Variants in NLGN1 observed in about 807,000 individuals in gnomAD.
NLGN1 encodes neuroligin-1.
In NLGN1, 12 loss-of-function variants were observed where a neutral mutation model predicts 65.5. The observed-to-expected ratio is 0.18, with a 90% CI of 0.12 to 0.30. The LOEUF (loss-of-function observed/expected upper bound fraction) is 0.30, where lower values mean the gene tolerates loss of function less well. Ranked by LOEUF, NLGN1 falls within the 10% of genes least tolerant of loss-of-function variation. The probability of loss-of-function intolerance (pLI) is 1.00; values close to 1 mark genes in which losing one functional copy is unlikely to be tolerated. For missense variants in NLGN1, 750 were observed against 1,007.1 expected (o/e 0.74, Z 3.46); for synonymous variants, 350 against 359.5 (o/e 0.97, Z 0.30).
At chr3:173,773,671 A>G (rs565967225) in intron 3 of NLGN1, among the ~76,000 whole-genome samples, 24 of 152,280 alleles carry the variant, frequency 1.6e-4, no homozygotes, top group African/African-American at 5.3e-4. Flanking sequence ...TCAATGCTGG[A>G]GATATAATGG....
intron 3 of NLGN1, among the ~76,000 whole-genome samples, chr3:173,646,233 C>T: frequency 6.6e-6 from 1 of 152,118 alleles, no homozygotes; most frequent in East Asian, 1.9e-4. Flanking sequence ...TCTCTATACC[C>T]AACAAAATAT....
intron 3 of NLGN1, among the ~76,000 whole-genome samples, chr3:173,648,077 G>T (rs1251233556): frequency 1.3e-5 from 2 of 151,546 alleles, no homozygotes; most frequent in Non-Finnish European, 2.9e-5. Flanking sequence ...GAAGTGCAAA[G>T]AACCTAGAAT....
intron 4 of NLGN1, among the ~76,000 whole-genome samples, chr3:173,845,805 G>A (rs1725667094): frequency 6.6e-6 from 1 of 152,088 alleles, no homozygotes; most frequent in South Asian, 2.1e-4. Flanking sequence ...CCTTTATCTT[G>A]ACTCTTAGAT....
At chr3:173,931,907 G>A (rs561181578) in intron 4 of NLGN1, among the ~76,000 whole-genome samples, 1 of 152,186 alleles carries the variant, frequency 6.6e-6, no homozygotes, top group South Asian at 2.1e-4. Context: ...ATCTTGGAAG[G>A]TACAGCCAAA....
At chr3:173,431,706 A>C (rs1320787254) in intron 1 of NLGN1, among the ~76,000 whole-genome samples, 2 of 152,178 alleles carry the variant, frequency 1.3e-5, no homozygotes, top group African/African-American at 4.8e-5. Context: ...ATGAAGAGTG[A>C]ATCCACATTG....
intron 2 of NLGN1, among the ~76,000 whole-genome samples, chr3:173,453,016 G>A (rs1315436256): frequency 1.3e-5 from 2 of 152,050 alleles, no homozygotes; most frequent in African/African-American, 4.8e-5. Flanking sequence ...CTGGTGGAAG[G>A]TTGTGTCTTA....
At chr3:174,029,012 G>GGTGACTT (rs1729391286) in intron 4 of NLGN1, among the ~76,000 whole-genome samples, 1 of 152,150 alleles carries the variant, frequency 6.6e-6, no homozygotes, top group Non-Finnish European at 1.5e-5. Flanking sequence ...GCAGAAGTCT[G>GGTGACTT]CTACAGGGGT....
At position 174,098,990 on chromosome 3, in the gene NLGN1, A is replaced by G. The variant is rs79353805; in HGVS notation, c.647-176325A>G. 1.5e-3 allele frequency among the ~76,000 whole-genome samples: 228 copies of G among 152,322 alleles called. 1 individual carries two copies. The highest frequency in any genetic ancestry group is 4.7e-3 in the African/African-American group (196 of 41,582). On this transcript the variant is annotated intron_variant, in intron 4 of 6. Transcript: ENST00000457714. ...TCATTAAACCAATGAAAATGCCACA[A>G]AATTAAGATATCAACTAAGTTGGGC...
intron 4 of NLGN1, among the ~76,000 whole-genome samples, chr3:173,866,072 T>A (rs748564556): frequency 5.5e-4 from 84 of 152,284 alleles, no homozygotes; most frequent in Non-Finnish European, 9.1e-4. Flanking sequence ...TGTGACCACA[T>A]CTGCTTCTTT....
chr3:173,531,714 T>C (rs1245644628), intron 2 of NLGN1, among the ~76,000 whole-genome samples: 1 of 152,140 alleles, frequency 6.6e-6, no homozygotes, highest in Non-Finnish European at 1.5e-5. Flanking sequence ...TTTAAACATG[T>C]AATTCTCAAC....
chr3:173,488,645 A>G (rs75271670), intron 2 of NLGN1, among the ~76,000 whole-genome samples: 1,780 of 152,032 alleles, frequency 0.012, 35 homozygotes, highest in African/African-American at 0.041. Flanking sequence ...GAAATCTGGT[A>G]TTGTGTTCTT....
At chr3:173,675,887 T>TCTCACACACACACA (rs756157881) in intron 3 of NLGN1, among the ~76,000 whole-genome samples, 23 of 138,640 alleles carry the variant, frequency 1.7e-4, no homozygotes, top group South Asian at 6.8e-4. Context: ...TCTCTCTCTC[T>TCTCACACACACACA]CACACACACA....
chr3:173,753,157 GC>G (rs945923384), intron 3 of NLGN1, among the ~76,000 whole-genome samples: 1 of 151,980 alleles, frequency 6.6e-6, no homozygotes, highest in Non-Finnish European at 1.5e-5. Flanking sequence ...TACACTCATT[GC>G]CTTATTCATT....
chr3:173,628,909 G>GGAGGCCGAGGAGTTGA (rs1755221262), intron 3 of NLGN1, among the ~76,000 whole-genome samples: 2 of 151,810 alleles, frequency 1.3e-5, no homozygotes, highest in African/African-American at 4.8e-5. Flanking sequence ...GGCCAGGCTG[G>GGAGGCCGAGGAGTTGA]TCTCGAACTC....
chr3:173,733,975 A>G (rs1773296247), intron 3 of NLGN1, among the ~76,000 whole-genome samples: 1 of 152,078 alleles, frequency 6.6e-6, no homozygotes, highest in Non-Finnish European at 1.5e-5. Flanking sequence ...CATTTGACAT[A>G]TCAAATGACA....
chr3:173,969,013 T>C (rs1715562636), intron 4 of NLGN1, among the ~76,000 whole-genome samples: 1 of 151,994 alleles, frequency 6.6e-6, no homozygotes, highest in African/African-American at 2.4e-5. Flanking sequence ...AAAACCATCT[T>C]TAACATTACC....
chr3:174,265,844 T>C (rs1425043932), intron 4 of NLGN1, among the ~76,000 whole-genome samples: 3 of 146,302 alleles, frequency 2.1e-5, no homozygotes, highest in African/African-American at 7.5e-5. Context: ...TATGTTGTCC[T>C]CTTAGTTTTA....
At chr3:173,769,015 C>T (rs1420848695) in intron 3 of NLGN1, among the ~76,000 whole-genome samples, 3 of 152,080 alleles carry the variant, frequency 2.0e-5, no homozygotes, top group African/African-American at 4.8e-5. Flanking sequence ...AGCGATCCAC[C>T]CTATCAGCCT....
intron 2 of NLGN1, among the ~76,000 whole-genome samples, chr3:173,547,349 C>T (rs540802131): frequency 1.6e-4 from 24 of 152,090 alleles, no homozygotes; most frequent in Admixed American, 1.4e-3. Flanking sequence ...TCCACAGGTG[C>T]CTTTCCTTTA....
Sources: gnomAD v4.1 joint callset for allele counts (sites outside exome capture counted in the v4.1 genomes callset) on GRCh38, gnomAD v4.1.1 for gene constraint, MANE v1.5 for transcripts, NCBI Gene and HGNC (gene_info 2026-07-23, HGNC 2026-07-21) for gene names.